KIF19: variants seen among roughly 807,000 people sequenced by gnomAD.
KIF19 encodes kinesin family member 19, also known as kinesin-like protein KIF19.
In KIF19, 98 loss-of-function variants were observed where a neutral mutation model predicts 106.6. The observed-to-expected ratio is 0.92, with a 90% CI of 0.78 to 1.09. The LOEUF is 1.09. KIF19 is among the 50% of genes least tolerant of loss of function. The pLI, the probability that KIF19 is intolerant of heterozygous loss-of-function variation, is 0.00. For synonymous variants in KIF19, 516 were observed against 584.2 expected, an observed-to-expected ratio of 0.88 and a Z score of 1.68; for missense variants, 1,373 against 1,414.3, an observed-to-expected ratio of 0.97 and a Z score of 0.47.
At position 74,350,866 on chromosome 17, in the gene KIF19, AGCCCTGGTG is replaced by A; in HGVS notation, c.1550_1558del (p.Ala517_Val519del). 6.2e-7 allele frequency: 1 copy of A among 1,613,976 alleles called. No homozygotes were observed. The highest frequency in any genetic ancestry group is 1.7e-5 in the Admixed American group (1 of 60,016). ...TGGCCGCAGCCCGGGAGAGCATTGC[AGCCCTGGTG>A]GACGAGCAGAAGCAACTGCGCAAGC... On this transcript the variant is annotated inframe_deletion, in exon 12 of 20. Transcript: ENST00000389916.
Position 74,354,885 on chromosome 17 carries a change from T to C in KIF19, c.2810T>C (p.Leu937Pro), listed in dbSNP as rs9891620. 217,964 of 1,569,930 alleles carry C rather than the reference T, an allele frequency of 0.14. 17,064 individuals carry two copies. The highest frequency in any genetic ancestry group is 0.32 in the African/African-American group (23,282 of 73,788). The change falls in exon 19 of 20, where the codon CTG becomes CCG. Residue 937 changes from leucine to proline, a missense_variant. Leu to Pro is a moderately conservative substitution (Grantham distance 98). Transcript: ENST00000389916. ...CRHPAPGIRH[L>P]GKVTLPLAKV... ...CACCCAGCCCCTGGTATCCGGCATCTGGGAAAGGTCACGCTACCTTTGGCC... is the reference window on the plus strand; with the variant it reads ...CACCCAGCCCCTGGTATCCGGCATCCGGGAAAGGTCACGCTACCTTTGGCC...
At chr17:74,335,824 G>A (rs998563535) in intron 2 of KIF19, among the ~76,000 whole-genome samples, 7 of 152,262 alleles carry the variant, frequency 4.6e-5, no homozygotes, top group African/African-American at 1.7e-4. Flanking sequence ...TGCCCATGCT[G>A]AGCCCACCTG....
At chr17:74,335,615 C>T (rs1174120840) in intron 2 of KIF19, among the ~76,000 whole-genome samples, 5 of 152,238 alleles carry the variant, frequency 3.3e-5, no homozygotes, top group African/African-American at 4.8e-5. Flanking sequence ...GAGAGGAGGC[C>T]GTGGAGGTGG....
chr17:74,340,677 C>A (rs2054347985), intron 2 of KIF19, among the ~76,000 whole-genome samples: 1 of 152,240 alleles, frequency 6.6e-6, no homozygotes. Context: ...CCCTTTCCAC[C>A]CTTTCCACTC....
chr17:74,340,510 G>T (rs967629589), intron 2 of KIF19, among the ~76,000 whole-genome samples: 2 of 149,056 alleles, frequency 1.3e-5, no homozygotes, highest in African/African-American at 5.1e-5. Context: ...ACCCGGCCAG[G>T]ACCCTTCTGT....
Position 74,331,765 on chromosome 17 carries a change from C to T in KIF19, c.120+3260C>T, listed in dbSNP as rs528297196. Among the ~76,000 whole-genome samples the T allele has an allele frequency of 7.9e-5, 12 of 152,078 alleles. No individual in the cohort carries two copies. In the East Asian group the frequency reaches 1.9e-3, roughly 25 times the overall value. On this transcript the variant is annotated intron_variant, in intron 2 of 19. Transcript: ENST00000389916. The surrounding 1 kb of genome is among the most constrained non-coding windows in gnomAD (Gnocchi z 4.1). ...CTAATTTTTGTAATTTTAGTAGAGA[C>T]AGGGTTTTGCTATGGTGGCCAGGCT...
rs147196521 is a variant in KIF19 at position 74,331,784 on chromosome 17, C to G, written c.120+3279C>G. Among the ~76,000 whole-genome samples the G allele has an allele frequency of 6.6e-6, 1 of 152,028 alleles. No individual in the cohort carries two copies. The highest frequency in any genetic ancestry group is 2.4e-5 in the African/African-American group (1 of 41,374). ...TAGAGACAGGGTTTTGCTATGGTGG[C>G]CAGGCTGGTCTCGAACTCCTGACCT... On this transcript the variant is annotated intron_variant, in intron 2 of 19. Coordinates refer to ENST00000389916, the MANE Select transcript of KIF19 (RefSeq NM_153209.4). The surrounding 1 kb of genome is among the most constrained non-coding windows in gnomAD (Gnocchi z 4.1).
At chr17:74,334,178 C>T (rs532071913) in intron 2 of KIF19, among the ~76,000 whole-genome samples, 5 of 152,104 alleles carry the variant, frequency 3.3e-5, no homozygotes, top group East Asian at 1.9e-4. Flanking sequence ...GTGGATTCAC[C>T]GTGTTCTGTT....
At position 74,335,454 on chromosome 17, in the gene KIF19, G is replaced by A. The variant is rs9893991; in HGVS notation, c.121-6422G>A. ...ATGCTTGGGATGAGCCTGGTCCCCC[G>A]ATAGGGACACAGCTTATGGATGAGA... On this transcript the variant is annotated intron_variant, in intron 2 of 19. Transcript: ENST00000389916. Among the ~76,000 whole-genome samples, 621 of 152,372 alleles carry A rather than the reference G, an allele frequency of 4.1e-3. 4 individuals carry two copies. The highest frequency in any genetic ancestry group is 0.015 in the African/African-American group (604 of 41,588).
At chr17:74,343,307 G>A in intron 5 of KIF19, 147 bp downstream of exon 5, 1 of 839,624 alleles carries the variant, frequency 1.2e-6, no homozygotes, top group Non-Finnish European at 1.8e-6. Flanking sequence ...TCATCAGAGA[G>A]GTTAGGCAAC....
chr17:74,342,810 T>C, intron 4 of KIF19, 93 bp downstream of exon 4: 2 of 1,343,280 alleles, frequency 1.5e-6, no homozygotes, highest in Non-Finnish European at 1.1e-6. Context: ...GGAGCAGGAA[T>C]CCAGGATGTG....
intron 6 of KIF19, 107 bp from the exon 7 acceptor site, chr17:74,344,654 C>T: frequency 8.1e-7 from 1 of 1,228,712 alleles, no homozygotes; most frequent in Non-Finnish European, 1.1e-6. Flanking sequence ...CTGCCCTTTC[C>T]CAACTGCTCA....
In KIF19 at chr17:74,352,957, G is replaced by A; in HGVS notation, c.2114+3G>A. The A allele has an allele frequency of 6.2e-7, 1 of 1,613,658 alleles. No homozygotes were observed. Among genetic ancestry groups the A allele is most frequent in the Non-Finnish European group, 8.5e-7 (1 of 1,179,800 alleles). Reference sequence around the variant, plus strand: ...CTCCCTCCCCTCAGCACAGAGAGGTGAGATGGGGGCCACCTGCCCCAGCCC... The same window carrying A: ...CTCCCTCCCCTCAGCACAGAGAGGTAAGATGGGGGCCACCTGCCCCAGCCC... On this transcript the variant is annotated splice_donor_region_variant and intron_variant, in intron 15 of 19. Transcript: ENST00000389916.
Position 74,352,464 on chromosome 17 carries a change from G to C in KIF19, c.1980+124G>C, listed in dbSNP as rs369302815. Reference sequence around the variant, plus strand: ...AGGCTGGCTGGCACCCCAGGGAGTTGACTCCCTTTCCTTCTTACCCCACCC... The same window carrying C: ...AGGCTGGCTGGCACCCCAGGGAGTTCACTCCCTTTCCTTCTTACCCCACCC... On this transcript the variant is annotated intron_variant, in intron 14 of 19. Coordinates refer to ENST00000389916, the MANE Select transcript of KIF19 (RefSeq NM_153209.4). The C allele has an allele frequency of 4.8e-6, 6 of 1,247,890 alleles. No individual in the cohort carries two copies. In the East Asian group the frequency reaches 1.5e-4, roughly 32 times the overall value. 77.3% of individuals were successfully genotyped at this position (1,247,890 alleles called of 1,614,324 possible). A position where few individuals can be genotyped will look rare whatever the true frequency, so the allele number is the denominator to read the frequency against.
intron 15 of KIF19, 38 bp downstream of exon 15, chr17:74,352,992 GC>G (rs773941417): frequency 6.2e-7 from 1 of 1,611,664 alleles, no homozygotes; most frequent in Admixed American, 1.7e-5. Flanking sequence ...CCCACCCTGT[GC>G]CCTGTCCCAG....
chr17:74,349,922 C>T (rs562640440), intron 10 of KIF19, among the ~76,000 whole-genome samples: 23 of 152,164 alleles, frequency 1.5e-4, no homozygotes, highest in African/African-American at 4.8e-4. Context: ...CCTCAGCCTC[C>T]CAAGTAGCTG....
rs570549548 is a variant in KIF19, at chr17:74,331,891, A to G, written c.120+3386A>G. 2.0e-5 allele frequency among the ~76,000 whole-genome samples: 3 copies of G among 152,004 alleles called. No individual in the cohort carries two copies. In the South Asian group the frequency reaches 6.3e-4, roughly 32 times the overall value. ...TGTGCCCAGCCGGTTTGGATTTTTAATGGGGATAGTCCAGTTGCCTTGGAA... is the reference window on the plus strand; with the variant it reads ...TGTGCCCAGCCGGTTTGGATTTTTAGTGGGGATAGTCCAGTTGCCTTGGAA... On this transcript the variant is annotated intron_variant, in intron 2 of 19. Transcript: ENST00000389916. The surrounding 1 kb of genome is among the most constrained non-coding windows in gnomAD (Gnocchi z 4.1).
Position 74,349,253 on chromosome 17 carries a change from G to T in KIF19, c.1117G>T (p.Gly373Cys). 6.2e-7 allele frequency: 1 copy of T among 1,613,650 alleles called. No homozygotes were observed. The highest frequency in any genetic ancestry group is 1.3e-5 in the African/African-American group (1 of 75,060). The change falls in exon 10 of 20, where the codon GGC becomes TGC. Residue 373 changes from glycine to cysteine, a missense_variant. This residue lies in a region of KIF19 where 1,020 missense variants were observed against 1,008.2 expected (regional missense o/e 1.01). Transcript: ENST00000389916. Reference sequence around the variant, plus strand: ...CACCAGCATCATCGCTGACCTGCGGGGCGAGATCCAGCGACTCAAGCGCAA... The same window carrying T: ...CACCAGCATCATCGCTGACCTGCGGTGCGAGATCCAGCGACTCAAGCGCAA... ...QYTSIIADLRGEIQRLKRKID... is the reference protein window; with the variant it reads ...QYTSIIADLRCEIQRLKRKID...
rs139288210 is a variant in KIF19, at chr17:74,353,604, G to A, written c.2308+23G>A. Reference sequence around the variant, plus strand: ...AAGGTATGTGTGCCCTCTGCTGCCCGGCCACCTCACCTGGCCTTGTCTAAA... The same window carrying A: ...AAGGTATGTGTGCCCTCTGCTGCCCAGCCACCTCACCTGGCCTTGTCTAAA... On this transcript the variant is annotated intron_variant, in intron 17 of 19. Coordinates refer to ENST00000389916, the MANE Select transcript of KIF19 (RefSeq NM_153209.4). The A allele has an allele frequency of 1.4e-4, 217 of 1,586,370 alleles. No individual in the cohort carries two copies. The Middle Eastern group carries it at 1.5e-3, about 11-fold the overall frequency.
Sources: allele counts gnomAD v4.1 joint callset (sites outside exome capture counted in the v4.1 genomes callset), GRCh38; gene constraint gnomAD v4.1.1; regional missense constraint gnomAD v4.1.1; non-coding constraint Gnocchi (gnomAD v3.1); transcripts MANE v1.5; gene names NCBI Gene and HGNC (gene_info 2026-07-23, HGNC 2026-07-21).